AOAH: variants seen among roughly 807,000 people sequenced by gnomAD.
AOAH encodes acyloxyacyl hydrolase.
A neutral mutation model predicts 92.2 loss-of-function variants in AOAH; 64 were observed. That is an observed-to-expected ratio of 0.69 (90% confidence interval 0.57 to 0.86). The LOEUF is 0.86. AOAH is among the 40% of genes least tolerant of loss of function. The pLI is 0.00. For missense variants in AOAH, 656 were observed against 694.6 expected, an observed-to-expected ratio of 0.94 and a Z score of 0.62; for synonymous variants, 263 against 254.5, an observed-to-expected ratio of 1.03 and a Z score of -0.32.
intron 16 of AOAH, among the ~76,000 whole-genome samples, chr7:36,536,569 GA>G (rs376839327): frequency 1.3e-5 from 2 of 152,272 alleles, no homozygotes; most frequent in African/African-American, 4.8e-5. Flanking sequence ...GGTTTGGAGT[GA>G]GAGCAGAAGA....
chr7:36,712,047 G>A (rs1024838179), intron 1 of AOAH, among the ~76,000 whole-genome samples: 2 of 152,224 alleles, frequency 1.3e-5, no homozygotes, highest in African/African-American at 4.8e-5. Flanking sequence ...AGCAGAAACA[G>A]TGTCTTATGA....
At chr7:36,647,819 T>C (rs1025810712) in intron 4 of AOAH, among the ~76,000 whole-genome samples, 1 of 151,086 alleles carries the variant, frequency 6.6e-6, no homozygotes, top group Non-Finnish European at 1.5e-5. Context: ...CAATGCCATC[T>C]TCAGTTCCCT....
chr7:36,664,971 G>A (rs574927715), intron 3 of AOAH, among the ~76,000 whole-genome samples: 11 of 152,284 alleles, frequency 7.2e-5, no homozygotes, highest in East Asian at 1.9e-4. Flanking sequence ...GCACGAAGTC[G>A]CTCATTACCA....
intron 11 of AOAH, among the ~76,000 whole-genome samples, chr7:36,602,976 C>A: frequency 6.6e-6 from 1 of 152,174 alleles, no homozygotes; most frequent in East Asian, 1.9e-4. Flanking sequence ...TCTGGGCATA[C>A]ACATCTGCTG....
chr7:36,611,995 G>A (rs1009896933), intron 11 of AOAH, among the ~76,000 whole-genome samples: 1 of 152,212 alleles, frequency 6.6e-6, no homozygotes, highest in Non-Finnish European at 1.5e-5. Context: ...AAGTGAGGCA[G>A]TGTTGTAATA....
chr7:36,605,055 T>C lies in AOAH; in HGVS notation c.847-10625A>G, dbSNP rs553510086. ...CCTGCAGGAATTAGGTCATCACTAA[T>C]GACCTAATTTAGTGGTTTAGCTCAT... On this transcript the variant is annotated intron_variant, in intron 11 of 20. Coordinates refer to ENST00000617537, the MANE Select transcript of AOAH (RefSeq NM_001637.4). Among the ~76,000 whole-genome samples the C allele has an allele frequency of 2.1e-3, 317 of 152,290 alleles. 1 individual carries two copies. Among genetic ancestry groups the C allele is most frequent in the African/African-American group, 7.2e-3 (300 of 41,570 alleles).
At chr7:36,538,966 C>A (rs1785250215) in intron 16 of AOAH, among the ~76,000 whole-genome samples, 1 of 152,144 alleles carries the variant, frequency 6.6e-6, no homozygotes, top group Non-Finnish European at 1.5e-5. Context: ...GAGACCAGAG[C>A]CTTTGAGAGC....
chr7:36,612,188 C>T (rs1791508927), intron 11 of AOAH, among the ~76,000 whole-genome samples: 1 of 152,002 alleles, frequency 6.6e-6, no homozygotes. Context: ...AAAAAAGTTA[C>T]CTATAATTCT....
chr7:36,634,045 G>A (rs1793348358), intron 5 of AOAH, among the ~76,000 whole-genome samples: 1 of 152,170 alleles, frequency 6.6e-6, no homozygotes, highest in African/African-American at 2.4e-5. Context: ...AGCACTGATG[G>A]GAAACAGGGC....
At chr7:36,553,056 T>C (rs1391539170) in intron 13 of AOAH, among the ~76,000 whole-genome samples, 2 of 151,466 alleles carry the variant, frequency 1.3e-5, no homozygotes, top group Non-Finnish European at 2.9e-5. Context: ...GCCATGCTGG[T>C]GCGCTGCACC....
chr7:36,553,172 A>G (rs550147945), intron 13 of AOAH, among the ~76,000 whole-genome samples: 2 of 128,358 alleles, frequency 1.6e-5, no homozygotes, highest in East Asian at 4.7e-4. Context: ...TCCTGTGTCC[A>G]TGTGTTCTCA....
intron 1 of AOAH, among the ~76,000 whole-genome samples, chr7:36,722,661 C>T (rs545103837): frequency 1.7e-4 from 25 of 151,510 alleles, no homozygotes; most frequent in South Asian, 2.1e-4. Flanking sequence ...GGAGGCTGGG[C>T]GCGGTGGCTC....
chr7:36,573,375 C>T (rs770581212), intron 13 of AOAH, among the ~76,000 whole-genome samples: 14 of 152,186 alleles, frequency 9.2e-5, no homozygotes, highest in Non-Finnish European at 1.9e-4. Context: ...AACCCCTGCA[C>T]CAGAGAATCA....
At chr7:36,528,287 C>T (rs1247792456) in intron 19 of AOAH, among the ~76,000 whole-genome samples, 3 of 152,214 alleles carry the variant, frequency 2.0e-5, no homozygotes, top group Non-Finnish European at 4.4e-5. Flanking sequence ...CTTTCTCCCA[C>T]GTTGATGTAG....
intron 1 of AOAH, among the ~76,000 whole-genome samples, chr7:36,695,641 T>G (rs1797665426): frequency 6.6e-6 from 1 of 152,222 alleles, no homozygotes; most frequent in African/African-American, 2.4e-5. Flanking sequence ...AGTGCCACAC[T>G]ACATATATTA....
At chr7:36,641,756 C>A (rs1449012827) in intron 4 of AOAH, among the ~76,000 whole-genome samples, 1 of 152,164 alleles carries the variant, frequency 6.6e-6, no homozygotes, top group Admixed American at 6.5e-5. Flanking sequence ...GTAACAGTTG[C>A]CTTTATGCAA....
intron 11 of AOAH, chr7:36,597,989 T>G (rs1790260568): frequency 6.6e-6 from 1 of 151,466 alleles, no homozygotes; most frequent in African/African-American, 2.4e-5. Flanking sequence ...CGGTCAGGGG[T>G]GGGTGATGAA....
intron 13 of AOAH, among the ~76,000 whole-genome samples, chr7:36,574,549 G>A (rs1163697311): frequency 6.6e-6 from 1 of 152,144 alleles, no homozygotes; most frequent in Non-Finnish European, 1.5e-5. Context: ...GCACACCTGG[G>A]TGTTGTGAAA....
intron 13 of AOAH, among the ~76,000 whole-genome samples, chr7:36,571,647 C>A (rs1259558001): frequency 6.6e-6 from 1 of 152,158 alleles, no homozygotes; most frequent in African/African-American, 2.4e-5. Context: ...ACTCCTGTCC[C>A]TAGCCCAGCT....
Sources: allele counts gnomAD v4.1 joint callset (sites outside exome capture counted in the v4.1 genomes callset), GRCh38; gene constraint gnomAD v4.1.1; transcripts MANE v1.5; gene names NCBI Gene and HGNC (gene_info 2026-07-23, HGNC 2026-07-21).